The following NOX5 variants were observed in gnomAD, a reference collection of about 807,000 sequenced individuals.
NOX5 encodes the protein NADPH oxidase, EF-hand calcium binding domain 5.
In NOX5, 76 loss-of-function variants were observed where a neutral mutation model predicts 85.7. The ratio of observed to expected loss-of-function variants is 0.89; its 90% CI spans 0.74 to 1.07. The LOEUF (loss-of-function observed/expected upper bound fraction) is 1.07, where lower values mean the gene tolerates loss of function less well. NOX5 is among the 50% of genes least tolerant of loss of function. The probability of loss-of-function intolerance (pLI) is 0.00; values close to 1 mark genes in which losing one functional copy is unlikely to be tolerated. For synonymous variants in NOX5, 405 were observed against 401.4 expected (o/e 1.01, Z -0.11); for missense variants, 973 against 999.5 (o/e 0.97, Z 0.36).
rs1384200735 is a variant in NOX5, at chr15:69,060,400, C to T, written c.*3704C>T. ...GCAGGGCACTGAGTCCTACACTTGC[C>T]TCTGCCACAGTCTGCTGTGTGACCT... is the stretch of plus-strand genomic sequence containing the variant. On this transcript the variant is annotated 3_prime_UTR_variant, in exon 16 of 16. Transcript: ENST00000388866. The T allele has an allele frequency of 6.6e-6, 1 of 152,230 alleles. No individual in the cohort carries two copies. Among genetic ancestry groups the T allele is most frequent in the Non-Finnish European group, 1.5e-5 (1 of 68,050 alleles). The allele number at this position is 152,230 out of a possible 1,614,324, so 9.4% of individuals were successfully genotyped here.
At position 69,037,021 on chromosome 15, in the gene NOX5, C is replaced by G. The variant is rs1006611013; in HGVS notation, c.1189-7C>G. The G allele has an allele frequency of 6.2e-7, 1 of 1,613,062 alleles. No individual in the cohort carries two copies. The highest frequency in any genetic ancestry group is 1.3e-5 in the African/African-American group (1 of 74,970). On this transcript the variant is annotated splice_polypyrimidine_tract_variant and splice_region_variant and intron_variant, in intron 7 of 15. Coordinates refer to ENST00000388866, the MANE Select transcript of NOX5 (RefSeq NM_024505.4). ...CTGGAAGTTGACTGCCCCCCCTACC[C>G]CCATAGGTGTTCTATTGGACTCACC...
At chr15:69,047,192 C>T (rs1275572646) in intron 11 of NOX5, 2 of 614,522 alleles carry the variant, frequency 3.3e-6, no homozygotes, top group Non-Finnish European at 5.4e-6. Flanking sequence ...CTTGTTTTCA[C>T]TAGCTCTGCA....
intron 14 of NOX5, among the ~76,000 whole-genome samples, chr15:69,049,552 C>A (rs184779320): frequency 6.6e-6 from 1 of 152,228 alleles, no homozygotes; most frequent in African/African-American, 2.4e-5. Context: ...TCCAGGCTAT[C>A]CAGATGACAT....
intron 1 of NOX5, among the ~76,000 whole-genome samples, chr15:69,018,830 G>A (rs1157403490): frequency 1.3e-5 from 2 of 152,254 alleles, no homozygotes; most frequent in Admixed American, 6.5e-5. Context: ...AGGGGATGGA[G>A]AGGGATTTTT....
At position 69,059,282 on chromosome 15, in the gene NOX5, T is replaced by G. The variant is rs1043553068; in HGVS notation, c.*2586T>G. On this transcript the variant is annotated 3_prime_UTR_variant, in exon 16 of 16. Coordinates refer to ENST00000388866, the MANE Select transcript of NOX5 (RefSeq NM_024505.4). ...CGAGAGGGCGCTGCAGAATCACGGA[T>G]CTCAAGCGGGTTTGTTTCCCAGGAA... The G allele has an allele frequency of 2.0e-5, 3 of 152,108 alleles. No homozygotes were observed. The highest frequency in any genetic ancestry group is 4.4e-5 in the Non-Finnish European group (3 of 68,028). 9.4% of individuals were successfully genotyped at this position (152,108 alleles called of 1,614,324 possible).
intron 2 of NOX5, among the ~76,000 whole-genome samples, chr15:69,026,890 A>T (rs1288578361): frequency 6.6e-6 from 1 of 152,132 alleles, no homozygotes; most frequent in African/African-American, 2.4e-5. Context: ...AATATGATTA[A>T]CCTCACAATT....
chr15:69,041,280 G>T (rs887753703), intron 9 of NOX5, among the ~76,000 whole-genome samples: 2 of 152,160 alleles, frequency 1.3e-5, no homozygotes, highest in African/African-American at 4.8e-5. Context: ...CAGAGAGGTG[G>T]ATGGAGCTAG....
At chr15:69,014,857 T>TC in intron 1 of NOX5, 72 bp downstream of exon 1, 1 of 1,131,396 alleles carries the variant, frequency 8.8e-7, no homozygotes, top group Non-Finnish European at 1.3e-6. Flanking sequence ...CTTTGTGGGA[T>TC]CTACAAAAGG....
At chr15:69,047,660 C>G (rs961882274) in intron 12 of NOX5, 123 bp downstream of exon 12, 1 of 1,385,610 alleles carries the variant, frequency 7.2e-7, no homozygotes, top group Non-Finnish European at 9.8e-7. Flanking sequence ...GCTCTTCTCT[C>G]TCTTTCCTCT....
intron 12 of NOX5, 72 bp downstream of exon 12, chr15:69,047,609 T>G: frequency 6.5e-7 from 1 of 1,545,030 alleles, no homozygotes; most frequent in Non-Finnish European, 8.8e-7. Context: ...TCCTCCTCCC[T>G]TTATTCCTTC....
In NOX5 at chr15:69,031,526, C is replaced by T. The variant is rs752949926; in HGVS notation, c.334C>T (p.Arg112Trp). The T allele has an allele frequency of 1.9e-6, 3 of 1,607,266 alleles. No homozygotes were observed. The highest frequency in any genetic ancestry group is 2.2e-5 in the East Asian group (1 of 44,734). The part of the protein sequence containing the change: ...FQVYDIDVCA[R>W]QGASAGTEWG... ...CCCACCACTTCTTGCAGTGTGTGCACGGCAGGGGGCGTCTGCAGGTACAGA... is the reference window on the plus strand; with the variant it reads ...CCCACCACTTCTTGCAGTGTGTGCATGGCAGGGGGCGTCTGCAGGTACAGA... Residue 112 changes from arginine to tryptophan, a missense_variant, in exon 4 of 16, where the codon CGG becomes TGG. Transcript: ENST00000388866.
Position 69,031,679 on chromosome 15 carries a change from G to T in NOX5, c.487G>T (p.Asp163Tyr). ...GCGCGAGAGCGCCATCTCGCTGCCT[G>T]ACGAGAAGCTGGACCAGCTGACGCT... Reference protein sequence around the residue: ...CLRESAISLPDEKLDQLTLAL... With the variant: ...CLRESAISLPYEKLDQLTLAL... The change falls in exon 4 of 16, where the codon GAC becomes TAC. Residue 163 changes from aspartate (D) to tyrosine (Y), a missense_variant. Coordinates refer to ENST00000388866, the MANE Select transcript of NOX5 (RefSeq NM_024505.4). The T allele has an allele frequency of 6.2e-7, 1 of 1,613,302 alleles. No homozygotes were observed. Among genetic ancestry groups the T allele is most frequent in the Non-Finnish European group, 8.5e-7 (1 of 1,179,898 alleles).
In NOX5 at chr15:69,055,354, A is replaced by T. The variant is rs1241065974; in HGVS notation, c.2020A>T (p.Met674Leu). The T allele has an allele frequency of 6.2e-7, 1 of 1,614,142 alleles. No individual in the cohort carries two copies. Among genetic ancestry groups the T allele is most frequent in the Non-Finnish European group, 8.5e-7 (1 of 1,180,000 alleles). The change falls in exon 15 of 16, where the codon ATG becomes TTG. Residue 674 changes from methionine to leucine, a missense_variant. By Grantham distance (15) the Met-to-Leu change is conservative (BLOSUM62 2). Coordinates refer to ENST00000388866, the MANE Select transcript of NOX5 (RefSeq NM_024505.4). ...AQYGRFLELH[M>L]YMTSALGKND... The stretch of plus-strand genomic sequence containing the variant: ...AACAGGCCGCTTCCTGGAGCTGCAT[A>T]TGTACATGACATCTGCACTGGGCAA...
rs572734672 is a variant in NOX5, at chr15:69,031,894, A to G, written c.620+82A>G. 421 of 1,423,256 alleles carry G rather than the reference A, an allele frequency of 3.0e-4. 6 individuals carry two copies. In the South Asian group the frequency reaches 5.5e-3, roughly 19 times the overall value. The allele number at this position is 1,423,256 out of a possible 1,614,324, so 88.2% of individuals were successfully genotyped here. On this transcript the variant is annotated intron_variant, in intron 4 of 15. Coordinates refer to ENST00000388866, the MANE Select transcript of NOX5 (RefSeq NM_024505.4). Reference sequence around the variant, plus strand: ...GAAGTGTGGCAGGAACTCACCGCGGATCCACTCTGCCCTACCCCGCCCTGC... The same window carrying G: ...GAAGTGTGGCAGGAACTCACCGCGGGTCCACTCTGCCCTACCCCGCCCTGC...
At chr15:69,049,631 TA>T (rs967048317) in intron 14 of NOX5, among the ~76,000 whole-genome samples, 3 of 152,172 alleles carry the variant, frequency 2.0e-5, no homozygotes, top group Non-Finnish European at 4.4e-5. Flanking sequence ...TATATTTCTT[TA>T]TTTTTGTAAT....
intron 13 of NOX5, among the ~76,000 whole-genome samples, chr15:69,048,514 CAG>C (rs1376220578): frequency 6.6e-6 from 1 of 151,848 alleles, no homozygotes; most frequent in Non-Finnish European, 1.5e-5. Context: ...GCCTGAGTGA[CAG>C]AGTGAGACTC....
In NOX5 at chr15:69,061,268, G is replaced by A. The variant is rs969718590; in HGVS notation, c.*4572G>A. ...GGCCCTCCCCGTCAGGGGTCACTCC[G>A]TGGGCTCTTCAATAAGGGAGGCTCC... On this transcript the variant is annotated 3_prime_UTR_variant, in exon 16 of 16. Coordinates refer to ENST00000388866, the MANE Select transcript of NOX5 (RefSeq NM_024505.4). 6.6e-6 allele frequency: 1 copy of A among 152,242 alleles called. No homozygotes were observed. Among genetic ancestry groups the A allele is most frequent in the Non-Finnish European group, 1.5e-5 (1 of 68,038 alleles). 9.4% of individuals were successfully genotyped at this position (152,242 alleles called of 1,614,324 possible). A position where few individuals can be genotyped will look rare whatever the true frequency, so the allele number is the denominator to read the frequency against.
At chr15:69,045,363 G>A (rs1279300364) in intron 10 of NOX5, among the ~76,000 whole-genome samples, 2 of 152,108 alleles carry the variant, frequency 1.3e-5, no homozygotes, top group Non-Finnish European at 2.9e-5. Flanking sequence ...GCACAGGATA[G>A]CTCTGAAAGT....
At chr15:69,056,053 G>A (rs2050808397) in intron 15 of NOX5, among the ~76,000 whole-genome samples, 1 of 152,288 alleles carries the variant, frequency 6.6e-6, no homozygotes, top group Non-Finnish European at 1.5e-5. Flanking sequence ...TGTCTGTGGT[G>A]AGTGCTTGGG....
Sources: allele counts gnomAD v4.1 joint callset (sites outside exome capture counted in the v4.1 genomes callset), GRCh38; gene constraint gnomAD v4.1.1; transcripts MANE v1.5; gene names NCBI Gene and HGNC (gene_info 2026-07-23, HGNC 2026-07-21).